The following ARHGAP24 variants were observed in gnomAD, a reference collection of about 807,000 sequenced individuals.
ARHGAP24 encodes the protein Rho GTPase activating protein 24.
ARHGAP24 carries 50 observed loss-of-function variants against 76.4 expected under a neutral mutation model. The observed-to-expected ratio is 0.65, with a 90% confidence interval of 0.52 to 0.83. The LOEUF (loss-of-function observed/expected upper bound fraction) is 0.83. Ranked by LOEUF, ARHGAP24 falls within the 40% of genes least tolerant of loss-of-function variation. ARHGAP24 has a pLI of 0.00. For missense variants in ARHGAP24, 930 were observed against 914.2 expected, an observed-to-expected ratio of 1.02 and a Z score of -0.22; for synonymous variants, 345 against 323.3, an observed-to-expected ratio of 1.07 and a Z score of -0.72.
chr4:85,485,365 AAAAAAAAAAAAATATATAT>A (rs1453252565), intron 1 of ARHGAP24, among the ~76,000 whole-genome samples: 1 of 61,880 alleles, frequency 1.6e-5, no homozygotes, highest in Admixed American at 2.5e-4. Context: ...AAAAAAAAAA[AAAAAAAAAAAAATATATAT>A]ATATATATAT....
At chr4:85,661,882 G>GTATA (rs1024952355) in intron 2 of ARHGAP24, among the ~76,000 whole-genome samples, 1 of 152,212 alleles carries the variant, frequency 6.6e-6, no homozygotes, top group African/African-American at 2.4e-5. Flanking sequence ...ATTCCATGGT[G>GTATA]TATATGTGCC....
At chr4:85,665,479 CTG>C (rs1213444670) in intron 2 of ARHGAP24, among the ~76,000 whole-genome samples, 1 of 152,142 alleles carries the variant, frequency 6.6e-6, no homozygotes, top group African/African-American at 2.4e-5. Flanking sequence ...ATTTGCCAGT[CTG>C]TGTCTTTTAA....
At chr4:85,950,981 A>G (rs1737581029) in intron 5 of ARHGAP24, among the ~76,000 whole-genome samples, 1 of 152,234 alleles carries the variant, frequency 6.6e-6, no homozygotes. Flanking sequence ...CACCTGGCCT[A>G]TAATAAGAAA....
chr4:85,643,885 G>A (rs1721623099), intron 2 of ARHGAP24, among the ~76,000 whole-genome samples: 2 of 152,150 alleles, frequency 1.3e-5, no homozygotes, highest in African/African-American at 4.8e-5. Flanking sequence ...TCCCAAGTAA[G>A]TCCAGGAAAG....
At chr4:85,591,030 G>GTTTTTTTTT (rs1560544158) in intron 2 of ARHGAP24, among the ~76,000 whole-genome samples, 14 of 121,888 alleles carry the variant, frequency 1.1e-4, no homozygotes, top group African/African-American at 4.1e-4. Context: ...AAATCTGCTG[G>GTTTTTTTTT]GTTTTTTTTT....
intron 3 of ARHGAP24, among the ~76,000 whole-genome samples, chr4:85,880,380 G>A (rs1733176993): frequency 6.6e-6 from 1 of 152,142 alleles, no homozygotes; most frequent in Non-Finnish European, 1.5e-5. Flanking sequence ...CTTGCAGTAA[G>A]CATCTGGGTG....
rs74700508 is a variant in ARHGAP24 at position 85,965,533 on chromosome 4, A to C, written c.600-6503A>C. On this transcript the variant is annotated intron_variant, in intron 5 of 9. Coordinates refer to ENST00000395184, the MANE Select transcript of ARHGAP24 (RefSeq NM_001025616.3). ...CTAGTAGGCTCCCATGGATGTTAGAAATGTTCAGATTTAAACTCGTGACCA... is the reference window on the plus strand; with the variant it reads ...CTAGTAGGCTCCCATGGATGTTAGACATGTTCAGATTTAAACTCGTGACCA... Among the ~76,000 whole-genome samples the C allele has an allele frequency of 7.5e-3, 1,145 of 152,230 alleles. 16 individuals are homozygous for C. The highest frequency in any genetic ancestry group is 0.068 in the East Asian group (350 of 5,162).
At chr4:85,834,592 A>G (rs1213763591) in intron 3 of ARHGAP24, among the ~76,000 whole-genome samples, 4 of 152,216 alleles carry the variant, frequency 2.6e-5, no homozygotes, top group Admixed American at 2.6e-4. Context: ...TTCTTTGGAC[A>G]TACTGAGGAA....
rs747214223 is a variant in ARHGAP24, at chr4:85,967,381, C to G, written c.600-4655C>G. ...TGAGGCTGTGCACATCATAGGTGTT[C>G]AGGAACTACTTGTTGAGTGAATGAT... On this transcript the variant is annotated intron_variant, in intron 5 of 9. Transcript: ENST00000395184. Among the ~76,000 whole-genome samples the G allele has an allele frequency of 4.6e-5, 7 of 152,038 alleles. 1 individual carries two copies. The highest frequency in any genetic ancestry group is 7.4e-5 in the Non-Finnish European group (5 of 67,986).
At chr4:85,598,892 A>G (rs893800502) in intron 2 of ARHGAP24, among the ~76,000 whole-genome samples, 15 of 151,792 alleles carry the variant, frequency 9.9e-5, no homozygotes, top group African/African-American at 3.6e-4. Context: ...AATTAAGAAT[A>G]AAATAGTTAA....
At chr4:85,865,697 C>T (rs1335440737) in intron 3 of ARHGAP24, among the ~76,000 whole-genome samples, 1 of 151,086 alleles carries the variant, frequency 6.6e-6, no homozygotes, top group African/African-American at 2.4e-5. Context: ...ATATTGAAAT[C>T]AAGCTGTATA....
intron 2 of ARHGAP24, among the ~76,000 whole-genome samples, chr4:85,683,125 G>GGGGGGGGGGGGGGGGGGGGGGGGGT (rs1553922590): frequency 9.3e-6 from 1 of 107,658 alleles, no homozygotes; most frequent in African/African-American, 3.5e-5. Flanking sequence ...GGTGGGGGGG[G>GGGGGGGGGGGGGGGGGGGGGGGGGT]GGTGCGGGGG....
rs149457291 is a variant in ARHGAP24 at position 85,586,839 on chromosome 4, G to A, written c.180+16118G>A. Among the ~76,000 whole-genome samples the A allele has an allele frequency of 1.7e-3, 265 of 152,064 alleles. 1 individual carries two copies. Among genetic ancestry groups the A allele is most frequent in the African/African-American group, 5.8e-3 (239 of 41,476 alleles). The stretch of plus-strand genomic sequence containing the variant: ...CTTGAACCTGGGAGGTGGATGTTGC[G>A]GTGAACCGACATTGCTCCACTGCAC... On this transcript the variant is annotated intron_variant, in intron 2 of 9. Transcript: ENST00000395184.
intron 3 of ARHGAP24, among the ~76,000 whole-genome samples, chr4:85,755,646 G>GTTTT (rs199784047): frequency 1.7e-5 from 2 of 121,040 alleles, no homozygotes; most frequent in South Asian, 2.8e-4. Flanking sequence ...GTTTTGTTTT[G>GTTTT]TTTTGAGACG....
intron 2 of ARHGAP24, among the ~76,000 whole-genome samples, chr4:85,636,509 A>C (rs1721312213): frequency 6.6e-6 from 1 of 151,972 alleles, no homozygotes; most frequent in East Asian, 1.9e-4. Context: ...TAATCTGTAA[A>C]ATGGAGACAT....
intron 3 of ARHGAP24, among the ~76,000 whole-genome samples, chr4:85,862,019 A>C (rs1319742526): frequency 6.6e-6 from 1 of 152,072 alleles, no homozygotes; most frequent in South Asian, 2.1e-4. Flanking sequence ...GTTGCAGCCA[A>C]GTTTATTATT....
rs569958206 is a variant in ARHGAP24, at chr4:85,993,150, T to G, written c.929-1433T>G. On this transcript the variant is annotated intron_variant, in intron 8 of 9. Transcript: ENST00000395184. ...GCATCTACTACAGTGTTTCTCAAAGTGTAATGCACCCAGGAATCACCTGGG... is the reference window on the plus strand; with the variant it reads ...GCATCTACTACAGTGTTTCTCAAAGGGTAATGCACCCAGGAATCACCTGGG... 2.0e-5 allele frequency among the ~76,000 whole-genome samples: 3 copies of G among 152,274 alleles called. No homozygotes were observed. The South Asian group carries it at 6.2e-4, about 32-fold the overall frequency.
At chr4:85,932,447 T>C (rs1736386804) in intron 4 of ARHGAP24, among the ~76,000 whole-genome samples, 1 of 151,328 alleles carries the variant, frequency 6.6e-6, no homozygotes, top group Admixed American at 6.6e-5. Flanking sequence ...TTTTTTTTTT[T>C]TTTTTTTTGG....
chr4:85,986,472 G>A (rs1232732703), intron 8 of ARHGAP24, among the ~76,000 whole-genome samples: 2 of 152,128 alleles, frequency 1.3e-5, no homozygotes, highest in Non-Finnish European at 2.9e-5. Context: ...GAAAACAAAT[G>A]AGGGGAACCC....
Sources: gnomAD v4.1 joint callset for allele counts (sites outside exome capture counted in the v4.1 genomes callset) on GRCh38, gnomAD v4.1.1 for gene constraint, MANE v1.5 for transcripts, NCBI Gene and HGNC (gene_info 2026-07-23, HGNC 2026-07-21) for gene names.